Variants in ACYP2 observed in about 807,000 individuals in gnomAD.
The protein encoded by ACYP2 is acylphosphatase 2, also known as acylphosphatase-2.
In ACYP2, 12 loss-of-function variants were observed where a neutral mutation model predicts 11.2. That is an observed-to-expected ratio of 1.08 (90% CI 0.69 to 1.74). ACYP2 has a LOEUF of 1.74. ACYP2 is among the 40% of genes most tolerant of loss of function. The probability of loss-of-function intolerance (pLI) is 0.00; values close to 1 mark genes in which losing one functional copy is unlikely to be tolerated. For missense variants in ACYP2, 134 were observed against 101.9 expected (o/e 1.31, Z -1.35); for synonymous variants, 43 against 32.2 (o/e 1.33, Z -1.13).
intron 4 of ACYP2, among the ~76,000 whole-genome samples, chr2:54,131,683 C>T (rs1195288533): frequency 1.3e-5 from 2 of 152,168 alleles, no homozygotes; most frequent in Non-Finnish European, 2.9e-5. Flanking sequence ...TGTGATGGAG[C>T]GTGCATCAGA....
intron 6 of ACYP2, among the ~76,000 whole-genome samples, chr2:54,250,482 G>A (rs1209781857): frequency 6.6e-6 from 1 of 151,862 alleles, no homozygotes; most frequent in Non-Finnish European, 1.5e-5. Context: ...TGGGGTGGGG[G>A]GGGCGTTGAA....
At chr2:54,179,961 A>G (rs758506542) in intron 6 of ACYP2, among the ~76,000 whole-genome samples, 4 of 152,182 alleles carry the variant, frequency 2.6e-5, no homozygotes, top group Non-Finnish European at 4.4e-5. Flanking sequence ...CTTAAGCCCT[A>G]GAAATCAGTA....
chr2:54,082,700 G>A (rs1008998297), intron 4 of ACYP2: 10 of 152,092 alleles, frequency 6.6e-5, no homozygotes, highest in African/African-American at 2.2e-4. Context: ...ACATTTTCTA[G>A]TACTGACAAA....
chr2:54,301,687 G>A (rs1374506954), intron 6 of ACYP2, among the ~76,000 whole-genome samples: 1 of 151,908 alleles, frequency 6.6e-6, no homozygotes, highest in African/African-American at 2.4e-5. Flanking sequence ...ACATATACAC[G>A]TACATACATA....
chr2:54,102,638 C>CAAAA lies in ACYP2; in HGVS notation c.278-32782_278-32779dup, dbSNP rs58842257. On this transcript the variant is annotated intron_variant, in intron 4 of 6. Coordinates refer to ENST00000607452, the MANE Select transcript of ACYP2 (RefSeq NM_001320586.2). ...AAACCCAATTTAAGCTGGCTTAAGC[C>CAAAA]AAAAAAAAAAAAAAAAAAAAAAAAA... Among the ~76,000 whole-genome samples, 71 of 83,320 alleles carry CAAAA rather than the reference C, an allele frequency of 8.5e-4. 15 individuals carry two copies. Among genetic ancestry groups the CAAAA allele is most frequent in the Non-Finnish European group, 1.2e-3 (54 of 43,292 alleles). The allele number at this position is 83,320 out of a possible 152,430, so 54.7% of individuals were successfully genotyped here.
At chr2:54,243,778 T>C (rs1344450992) in intron 6 of ACYP2, among the ~76,000 whole-genome samples, 4 of 152,178 alleles carry the variant, frequency 2.6e-5, no homozygotes, top group Non-Finnish European at 5.9e-5. Context: ...TTTTACCATG[T>C]TGGCCAGGCT....
At position 54,028,099 on chromosome 2, in the gene ACYP2, T is replaced by C. The variant is rs1052876956; in HGVS notation, c.63-22859T>C. The stretch of plus-strand genomic sequence containing the variant: ...CTCAGGTGATCTGCGTACCTTGGCC[T>C]CCCAAAGTGCTGGGATTATAAGCAT... On this transcript the variant is annotated intron_variant, in intron 2 of 6. Coordinates refer to ENST00000607452, the MANE Select transcript of ACYP2 (RefSeq NM_001320586.2). Among the ~76,000 whole-genome samples the C allele has an allele frequency of 7.9e-5, 12 of 152,238 alleles. No homozygotes were observed. The East Asian group carries it at 2.3e-3, about 29-fold the overall frequency.
chr2:53,976,169 G>C (rs1671474982), intron 2 of ACYP2, among the ~76,000 whole-genome samples: 1 of 152,196 alleles, frequency 6.6e-6, no homozygotes, highest in Non-Finnish European at 1.5e-5. Context: ...TGGGGCTAGA[G>C]ATATATTGGC....
chr2:54,165,693 G>C (rs991026196), intron 6 of ACYP2, among the ~76,000 whole-genome samples: 1 of 152,092 alleles, frequency 6.6e-6, no homozygotes, highest in Non-Finnish European at 1.5e-5. Flanking sequence ...CTGATCATTG[G>C]TGCCTTAGAC....
At chr2:54,271,212 G>C (rs1426753407) in intron 6 of ACYP2, among the ~76,000 whole-genome samples, 1 of 152,162 alleles carries the variant, frequency 6.6e-6, no homozygotes, top group African/African-American at 2.4e-5. Flanking sequence ...AGCCACCTTT[G>C]TAAAACTAAT....
intron 2 of ACYP2, among the ~76,000 whole-genome samples, chr2:54,036,218 A>G (rs1406383258): frequency 1.3e-5 from 2 of 152,098 alleles, no homozygotes; most frequent in East Asian, 3.9e-4. Context: ...CCTCAGCTCC[A>G]CACGTAGCTG....
In ACYP2 at chr2:54,077,701, G is replaced by T. The variant is rs529599856; in HGVS notation, c.277+20341G>T. 5.9e-4 allele frequency among the ~76,000 whole-genome samples: 90 copies of T among 152,320 alleles called. 3 individuals are homozygous for T. Among genetic ancestry groups the T allele is most frequent in the East Asian group, 1.9e-4 (1 of 5,190 alleles). On this transcript the variant is annotated intron_variant, in intron 4 of 6. Transcript: ENST00000607452. ...AGGAGGCTAGAAAGTACAGAATAGG[G>T]GAATAATCTGTGTGGGAGTTTGGCT...
chr2:53,980,902 G>T (rs539669723), intron 2 of ACYP2, among the ~76,000 whole-genome samples: 16 of 152,150 alleles, frequency 1.1e-4, no homozygotes, highest in African/African-American at 3.9e-4. Context: ...ACAGGTGTGT[G>T]CCACCATGTC....
At chr2:54,193,800 G>C (rs189917819) in intron 6 of ACYP2, among the ~76,000 whole-genome samples, 170 of 152,228 alleles carry the variant, frequency 1.1e-3, no homozygotes, top group African/African-American at 3.8e-3. Context: ...GGATATTACT[G>C]TTGTCTTTAT....
At chr2:54,135,312 A>G in intron 4 of ACYP2, 141 bp from the exon 2 acceptor site, 2 of 686,216 alleles carry the variant, frequency 2.9e-6, no homozygotes, top group Non-Finnish European at 4.9e-6. Context: ...GTAGGACCAC[A>G]GTTGATGGAG....
chr2:54,046,930 C>T (rs1675559557), intron 2 of ACYP2, among the ~76,000 whole-genome samples: 1 of 152,172 alleles, frequency 6.6e-6, no homozygotes, highest in Non-Finnish European at 1.5e-5. Flanking sequence ...TAATCTTGGG[C>T]AACTTATTTA....
At chr2:54,049,504 T>G (rs1309718281) in intron 2 of ACYP2, among the ~76,000 whole-genome samples, 1 of 152,208 alleles carries the variant, frequency 6.6e-6, no homozygotes, top group Non-Finnish European at 1.5e-5. Flanking sequence ...ATCCTCCCTT[T>G]TAACTTTACA....
chr2:54,029,912 C>G (rs1674494252), intron 2 of ACYP2: 1 of 251,962 alleles, frequency 4.0e-6, no homozygotes, highest in Non-Finnish European at 7.6e-6. Flanking sequence ...TCTCGAGGCC[C>G]GCCAATAATG....
chr2:54,238,630 A>G (rs1226854266), intron 6 of ACYP2, among the ~76,000 whole-genome samples: 1 of 152,040 alleles, frequency 6.6e-6, no homozygotes, highest in Admixed American at 6.5e-5. Flanking sequence ...ATTAGTTTAA[A>G]TTAACTATCT....
Sources: allele counts gnomAD v4.1 joint callset (sites outside exome capture counted in the v4.1 genomes callset), GRCh38; gene constraint gnomAD v4.1.1; transcripts MANE v1.5; gene names NCBI Gene and HGNC (gene_info 2026-07-23, HGNC 2026-07-21).